PLEKHA7: variants seen among roughly 807,000 people sequenced by gnomAD.
The protein encoded by PLEKHA7 is pleckstrin homology domain-containing family A member 7.
A neutral mutation model predicts 170.0 loss-of-function variants in PLEKHA7; 104 were observed. The observed-to-expected ratio is 0.61, with a 90% confidence interval of 0.52 to 0.72. The LOEUF is 0.72. PLEKHA7 is among the 30% of genes least tolerant of loss of function. The pLI is 0.00. For missense variants in PLEKHA7, 1,615 were observed against 1,671.7 expected (o/e 0.97, Z 0.59); for synonymous variants, 648 against 660.8 (o/e 0.98, Z 0.30).
chr11:16,890,992 C>G (rs755132390), intron 3 of PLEKHA7, among the ~76,000 whole-genome samples: 4 of 151,978 alleles, frequency 2.6e-5, no homozygotes, highest in Non-Finnish European at 5.9e-5. Context: ...TCTCAAACTC[C>G]TGGGCTCAAG....
At chr11:16,919,217 A>C (rs1020590227) in intron 3 of PLEKHA7, among the ~76,000 whole-genome samples, 2 of 152,160 alleles carry the variant, frequency 1.3e-5, no homozygotes, top group African/African-American at 4.8e-5. Flanking sequence ...TCTGTCTCAA[A>C]AGAAAGAAAA....
chr11:16,982,977 C>A (rs1863531881), intron 3 of PLEKHA7, among the ~76,000 whole-genome samples: 1 of 152,160 alleles, frequency 6.6e-6, no homozygotes, highest in African/African-American at 2.4e-5. Context: ...CACCCCTCAC[C>A]CTTCAGGAGC....
rs538455831 is a variant in PLEKHA7 at position 16,960,985 on chromosome 11, A to G, written c.221+53004T>C. 2.6e-5 allele frequency among the ~76,000 whole-genome samples: 4 copies of G among 152,108 alleles called. No individual in the cohort carries two copies. The South Asian group carries it at 8.3e-4, about 32-fold the overall frequency. On this transcript the variant is annotated intron_variant, in intron 3 of 26. Coordinates refer to ENST00000531066, the MANE Select transcript of PLEKHA7 (RefSeq NM_001329630.2). ...GTCAGCCCCTGCCTGTCTTTCCTCC[A>G]CAACAAGAGACCCAGCCAGCAAGTC...
chr11:16,937,792 G>T lies in PLEKHA7; in HGVS notation c.222-66610C>A, dbSNP rs755700867. ...CCTGGCTAATTTTGTATTTTTAGTA[G>T]AGATGGTGTTTCTCCATGTTGGTCA... is the stretch of plus-strand genomic sequence containing the variant. On this transcript the variant is annotated intron_variant, in intron 3 of 26. Coordinates refer to ENST00000531066, the MANE Select transcript of PLEKHA7 (RefSeq NM_001329630.2). 4.6e-5 allele frequency among the ~76,000 whole-genome samples: 7 copies of T among 152,050 alleles called. No individual in the cohort carries two copies. The East Asian group carries it at 1.2e-3, about 25-fold the overall frequency.
chr11:16,900,718 TCCAACATCAGTTC>T (rs1236858841), intron 3 of PLEKHA7, among the ~76,000 whole-genome samples: 1 of 152,148 alleles, frequency 6.6e-6, no homozygotes, highest in Non-Finnish European at 1.5e-5. Context: ...ATGGCTCAAT[TCCAACATCAGTTC>T]AGTTCATGGA....
intron 3 of PLEKHA7, among the ~76,000 whole-genome samples, chr11:16,921,516 A>C (rs193050877): frequency 6.6e-6 from 1 of 152,352 alleles, no homozygotes; most frequent in East Asian, 1.9e-4. Flanking sequence ...CAGTGGAAGA[A>C]AGGCAGCATG....
chr11:16,912,330 T>C (rs1254685078), intron 3 of PLEKHA7, among the ~76,000 whole-genome samples: 1 of 152,230 alleles, frequency 6.6e-6, no homozygotes, highest in Non-Finnish European at 1.5e-5. Context: ...CAGTGGGGAC[T>C]TTGGCCTCCA....
At chr11:16,830,198 A>G (rs432656) in intron 9 of PLEKHA7, among the ~76,000 whole-genome samples, 24,425 of 151,148 alleles carry the variant, frequency 0.16, 2,394 homozygotes, top group African/African-American at 0.27. Flanking sequence ...TGCCCAGGCT[A>G]GTCTTGAAAT....
intron 3 of PLEKHA7, among the ~76,000 whole-genome samples, chr11:16,900,389 T>C (rs1382786803): frequency 6.6e-6 from 1 of 152,224 alleles, no homozygotes; most frequent in African/African-American, 2.4e-5. Flanking sequence ...TGAATTTTCA[T>C]TCTGTTAATG....
chr11:16,817,923 A>T lies in PLEKHA7; in HGVS notation c.1344-601T>A, dbSNP rs1401436332. On this transcript the variant is annotated intron_variant, in intron 10 of 26. Coordinates refer to ENST00000531066, the MANE Select transcript of PLEKHA7 (RefSeq NM_001329630.2). The surrounding 1 kb of genome is among the most constrained non-coding windows in gnomAD (Gnocchi z 4.4). ...TTGTCCCTTCTGAAATAAAGTCTAA[A>T]CTCCTCAGCCTGGTACTCACAGCTC... is the stretch of plus-strand genomic sequence containing the variant. Among the ~76,000 whole-genome samples the T allele has an allele frequency of 2.6e-5, 4 of 151,646 alleles. No homozygotes were observed. Among genetic ancestry groups the T allele is most frequent in the Non-Finnish European group, 4.4e-5 (3 of 67,930 alleles).
rs1343840798 is a variant in PLEKHA7, at chr11:16,907,381, G to A, written c.222-36199C>T. 3.0e-3 allele frequency among the ~76,000 whole-genome samples: 419 copies of A among 138,704 alleles called. 5 individuals are homozygous for A. Among genetic ancestry groups the A allele is most frequent in the African/African-American group, 0.011 (387 of 36,612 alleles). The allele number at this position is 138,704 out of a possible 152,430, so 91.0% of individuals were successfully genotyped here. On this transcript the variant is annotated intron_variant, in intron 3 of 26. Transcript: ENST00000531066. Reference sequence around the variant, plus strand: ...CCGGCCAGCCGCCCCATCCGGGAGGGAGGTGGTGGGGTCAGCCCCCCGCCC... The same window carrying A: ...CCGGCCAGCCGCCCCATCCGGGAGGAAGGTGGTGGGGTCAGCCCCCCGCCC...
intron 3 of PLEKHA7, among the ~76,000 whole-genome samples, chr11:16,883,787 G>T (rs1855878197): frequency 2.0e-5 from 3 of 152,044 alleles, no homozygotes; most frequent in Admixed American, 2.0e-4. Context: ...TAACATAGAG[G>T]AATTATACTT....
intron 8 of PLEKHA7, among the ~76,000 whole-genome samples, chr11:16,844,840 G>T (rs1294763140): frequency 1.3e-5 from 2 of 152,184 alleles, no homozygotes; most frequent in Admixed American, 6.5e-5. Flanking sequence ...CAAAAGGCCA[G>T]GGCCCATCAA....
intron 3 of PLEKHA7, among the ~76,000 whole-genome samples, chr11:16,924,992 GA>G (rs1859400736): frequency 1.3e-5 from 2 of 152,226 alleles, no homozygotes; most frequent in African/African-American, 2.4e-5. Flanking sequence ...TGTCACAGGC[GA>G]GAAGCTGACC....
At chr11:16,985,717 CAT>C (rs1174522731) in intron 3 of PLEKHA7, among the ~76,000 whole-genome samples, 1 of 152,224 alleles carries the variant, frequency 6.6e-6, no homozygotes, top group Non-Finnish European at 1.5e-5. Flanking sequence ...ATCAATCAAA[CAT>C]AAAGATAATT....
intron 3 of PLEKHA7, among the ~76,000 whole-genome samples, chr11:16,926,125 TAA>T (rs1248945642): frequency 6.6e-6 from 1 of 152,184 alleles, no homozygotes; most frequent in African/African-American, 2.4e-5. Flanking sequence ...AGGAGTCTTC[TAA>T]CAATCCCTGG....
At chr11:16,854,546 G>A (rs1449281493) in intron 6 of PLEKHA7, among the ~76,000 whole-genome samples, 2 of 152,164 alleles carry the variant, frequency 1.3e-5, no homozygotes, top group South Asian at 4.1e-4. Flanking sequence ...TAATAACAAA[G>A]ACTCTTTGAC....
chr11:16,795,341 C>G (rs1163079635), intron 17 of PLEKHA7: 1 of 283,686 alleles, frequency 3.5e-6, no homozygotes, highest in African/African-American at 2.2e-5. Context: ...TTCGTAGAGA[C>G]AGGAAGTACA....
chr11:16,852,871 G>A (rs996562245), intron 6 of PLEKHA7, among the ~76,000 whole-genome samples: 2 of 152,020 alleles, frequency 1.3e-5, no homozygotes, highest in African/African-American at 2.4e-5. Flanking sequence ...AAAAGAATTT[G>A]GATTCTCTTT....
Sources: allele counts gnomAD v4.1 joint callset (sites outside exome capture counted in the v4.1 genomes callset), GRCh38; gene constraint gnomAD v4.1.1; non-coding constraint Gnocchi (gnomAD v3.1); transcripts MANE v1.5; gene names NCBI Gene and HGNC (gene_info 2026-07-23, HGNC 2026-07-21).